FGGY: variants seen among roughly 807,000 people sequenced by gnomAD.
FGGY encodes the protein FGGY carbohydrate kinase domain containing.
A neutral mutation model predicts 71.3 loss-of-function variants in FGGY; 72 were observed. The observed-to-expected ratio is 1.01, with a 90% CI of 0.84 to 1.23. FGGY has a LOEUF of 1.23. FGGY is among the 50% of genes most tolerant of loss of function. The pLI is 0.00. For missense variants in FGGY, 668 were observed against 682.3 expected (o/e 0.98, Z 0.23); for synonymous variants, 251 against 250.3 (o/e 1.00, Z -0.02).
chr1:59,352,161 T>C lies in FGGY; in HGVS notation c.465+5763T>C, dbSNP rs181890084. Among the ~76,000 whole-genome samples the C allele has an allele frequency of 1.1e-3, 165 of 152,304 alleles. No individual in the cohort carries two copies. In the East Asian group the frequency reaches 0.011, roughly 10 times the overall value. On this transcript the variant is annotated intron_variant, in intron 4 of 15. Coordinates refer to ENST00000303721, the MANE Select transcript of FGGY (RefSeq NM_018291.5). The stretch of plus-strand genomic sequence containing the variant: ...ATCTTAATGAAGGCCAAATGTAAAT[T>C]AAGTTCTGTCAGGCTTGAGCAGCTG...
At chr1:59,503,615 AT>A (rs2094295959) in intron 6 of FGGY, among the ~76,000 whole-genome samples, 5 of 147,194 alleles carry the variant, frequency 3.4e-5, no homozygotes, top group Admixed American at 6.8e-5. Flanking sequence ...ATATATATAT[AT>A]ATAAAATATG....
Position 59,687,943 on chromosome 1 carries a change from C to A in FGGY, c.1512+13810C>A, listed in dbSNP as rs540393329. On this transcript the variant is annotated intron_variant, in intron 14 of 15. Transcript: ENST00000303721. ...TAGAGAATTCACTTCTCCTCCTCTC[C>A]CTGTTGGAGTGAGCCAAGCCAACTG... is the stretch of plus-strand genomic sequence containing the variant. 2.6e-5 allele frequency among the ~76,000 whole-genome samples: 4 copies of A among 152,260 alleles called. No homozygotes were observed. The Middle Eastern group carries it at 0.014, about 518-fold the overall frequency.
chr1:59,574,008 TTG>T (rs1035068041), intron 8 of FGGY, among the ~76,000 whole-genome samples: 49 of 152,232 alleles, frequency 3.2e-4, no homozygotes, highest in African/African-American at 1.2e-3. Flanking sequence ...GTATGTATGT[TTG>T]TGGGAGTGGT....
intron 14 of FGGY, among the ~76,000 whole-genome samples, chr1:59,726,010 A>C (rs972858693): frequency 6.6e-6 from 1 of 152,164 alleles, no homozygotes; most frequent in African/African-American, 2.4e-5. Context: ...GTGGGAAAGC[A>C]TCCAGTTTTC....
intron 14 of FGGY, among the ~76,000 whole-genome samples, chr1:59,721,367 CTT>C (rs1169080493): frequency 5.4e-5 from 4 of 74,386 alleles, no homozygotes; most frequent in Non-Finnish European, 6.6e-5. Flanking sequence ...GAGACGGAGT[CTT>C]GCTCTGTTGC....
chr1:59,665,650 GCA>G (rs1359726078), intron 12 of FGGY, among the ~76,000 whole-genome samples: 1 of 151,006 alleles, frequency 6.6e-6, no homozygotes, highest in Non-Finnish European at 1.5e-5. Flanking sequence ...GGTCAGGGCA[GCA>G]TCCTGCTGAC....
At chr1:59,588,147 G>A (rs2096348551) in intron 8 of FGGY, among the ~76,000 whole-genome samples, 1 of 152,242 alleles carries the variant, frequency 6.6e-6, no homozygotes, top group South Asian at 2.1e-4. Flanking sequence ...CGTGAAGAAT[G>A]CAGAAGCCTC....
chr1:59,413,506 T>A (rs1306551555), intron 5 of FGGY, among the ~76,000 whole-genome samples: 1 of 152,192 alleles, frequency 6.6e-6, no homozygotes, highest in Admixed American at 6.5e-5. Flanking sequence ...GTATAACCAT[T>A]CAGAGTACTG....
chr1:59,356,501 T>C (rs924916378), intron 4 of FGGY, among the ~76,000 whole-genome samples: 1 of 152,222 alleles, frequency 6.6e-6, no homozygotes, highest in Non-Finnish European at 1.5e-5. Context: ...TCTATGCTTA[T>C]CTCTACCCTA....
rs754180898 is a variant in FGGY at position 59,674,111 on chromosome 1, CAG to C, written c.1491_1492del (p.Asp499PhefsTer25). On this transcript the variant is annotated frameshift_variant, in exon 14 of 16. Transcript: ENST00000303721. LOFTEE classifies it high-confidence loss of function. ...GCTGCTGTTCTGGGTGCCTGTGCCT[CAG>C]GGGATTTCGCTTCTGTACAGGTATG... The C allele has an allele frequency of 4.3e-6, 7 of 1,613,742 alleles. No individual in the cohort carries two copies. Among genetic ancestry groups the C allele is most frequent in the Non-Finnish European group, 5.9e-6 (7 of 1,179,902 alleles).
At chr1:59,718,922 A>G (rs2097864217) in intron 14 of FGGY, among the ~76,000 whole-genome samples, 1 of 152,144 alleles carries the variant, frequency 6.6e-6, no homozygotes, top group Non-Finnish European at 1.5e-5. Context: ...TGACCCCCCT[A>G]TAACTGGCAC....
At chr1:59,332,927 A>T (rs1164733999) in intron 2 of FGGY, among the ~76,000 whole-genome samples, 3 of 152,160 alleles carry the variant, frequency 2.0e-5, no homozygotes, top group African/African-American at 7.2e-5. Context: ...CATTGAGTGC[A>T]TTTCCTATCC....
At chr1:59,573,922 A>T (rs890062370) in intron 8 of FGGY, among the ~76,000 whole-genome samples, 1 of 152,204 alleles carries the variant, frequency 6.6e-6, no homozygotes, top group Non-Finnish European at 1.5e-5. Context: ...TCTACTACAT[A>T]GCATATTTCC....
At chr1:59,380,407 C>T (rs1403916319) in intron 5 of FGGY, among the ~76,000 whole-genome samples, 2 of 151,548 alleles carry the variant, frequency 1.3e-5, no homozygotes, top group Non-Finnish European at 2.9e-5. Flanking sequence ...TTTACAGTCC[C>T]ACCAACAGTG....
chr1:59,312,164 A>G (rs537888232), intron 1 of FGGY, among the ~76,000 whole-genome samples: 1 of 152,276 alleles, frequency 6.6e-6, no homozygotes, highest in African/African-American at 2.4e-5. Flanking sequence ...TCTTTGTCAG[A>G]TGGGTAGATT....
chr1:59,562,706 A>G (rs1468605757), intron 8 of FGGY, among the ~76,000 whole-genome samples: 3 of 152,250 alleles, frequency 2.0e-5, no homozygotes, highest in Non-Finnish European at 4.4e-5. Flanking sequence ...ACTAATATAT[A>G]GTGACAAAAA....
intron 8 of FGGY, among the ~76,000 whole-genome samples, chr1:59,562,771 T>C (rs1310834478): frequency 6.6e-6 from 1 of 152,180 alleles, no homozygotes; most frequent in Non-Finnish European, 1.5e-5. Context: ...GCCAGGAAAG[T>C]AGGATCAAAA....
chr1:59,691,097 C>T (rs140436178), intron 14 of FGGY, among the ~76,000 whole-genome samples: 5 of 152,278 alleles, frequency 3.3e-5, no homozygotes, highest in African/African-American at 1.2e-4. Flanking sequence ...ATACAGAAAA[C>T]AGAAGGTGAA....
At position 59,626,065 on chromosome 1, in the gene FGGY, G is replaced by A; in HGVS notation, c.1073+16G>A. 6.2e-7 allele frequency: 1 copy of A among 1,611,318 alleles called. No individual in the cohort carries two copies. Among genetic ancestry groups the A allele is most frequent in the Non-Finnish European group, 8.5e-7 (1 of 1,178,144 alleles). ...CCACAGCCAGGTAACTGCTGTCTCT[G>A]TTCCCTCTAAAATTTTCCTTGTGTG... On this transcript the variant is annotated intron_variant, in intron 10 of 15. Transcript: ENST00000303721.
Sources: allele counts gnomAD v4.1 joint callset (sites outside exome capture counted in the v4.1 genomes callset), GRCh38; gene constraint gnomAD v4.1.1; transcripts MANE v1.5; gene names NCBI Gene and HGNC (gene_info 2026-07-23, HGNC 2026-07-21).